PDE7B: variants seen among roughly 807,000 people sequenced by gnomAD.
The protein encoded by PDE7B is phosphodiesterase 7B.
Under a neutral mutation model 56.2 loss-of-function variants are expected in PDE7B, and 29 were observed. The observed-to-expected ratio is 0.52, with a 90% CI of 0.38 to 0.70. The LOEUF (loss-of-function observed/expected upper bound fraction) is 0.70. Ranked by LOEUF, PDE7B falls within the 30% of genes least tolerant of loss-of-function variation. The probability of loss-of-function intolerance (pLI) is 0.00; values close to 1 mark genes in which losing one functional copy is unlikely to be tolerated. For synonymous variants in PDE7B, 197 were observed against 196.9 expected (o/e 1.00, Z 0.00); for missense variants, 490 against 565.0 (o/e 0.87, Z 1.35).
chr6:136,123,939 C>T (rs1387366977), intron 3 of PDE7B, among the ~76,000 whole-genome samples: 1 of 152,092 alleles, frequency 6.6e-6, no homozygotes, highest in Non-Finnish European at 1.5e-5. Flanking sequence ...ACATTAATAG[C>T]TGGATGTATA....
chr6:136,147,199 A>G, intron 3 of PDE7B, 152 bp from the exon 4 acceptor site: 1 of 509,152 alleles, frequency 2.0e-6, no homozygotes, highest in Non-Finnish European at 3.5e-6. Context: ...TTCATGAAAC[A>G]TTTCAAATGT....
intron 1 of PDE7B, among the ~76,000 whole-genome samples, chr6:135,938,991 ACT>A (rs1468031339): frequency 5.9e-5 from 9 of 152,156 alleles, no homozygotes; most frequent in African/African-American, 1.9e-4. Context: ...ATGCTGAGAG[ACT>A]CTCTGGAGAC....
intron 2 of PDE7B, among the ~76,000 whole-genome samples, chr6:136,073,929 AT>A (rs1777089113): frequency 6.6e-6 from 1 of 152,226 alleles, no homozygotes; most frequent in East Asian, 1.9e-4. Context: ...TCTGAAGCAA[AT>A]AAAAAAATTT....
intron 2 of PDE7B, among the ~76,000 whole-genome samples, chr6:136,091,717 A>G (rs1002504301): frequency 6.6e-6 from 1 of 152,202 alleles, no homozygotes; most frequent in Non-Finnish European, 1.5e-5. Context: ...TTTGCAACCA[A>G]TGTGCTGTGA....
At chr6:136,191,058 C>T (rs1779216694) in intron 12 of PDE7B, among the ~76,000 whole-genome samples, 2 of 122,954 alleles carry the variant, frequency 1.6e-5, no homozygotes, top group African/African-American at 4.6e-5. Context: ...CTTTCTCCCT[C>T]TGCAAGTAAT....
intron 2 of PDE7B, among the ~76,000 whole-genome samples, chr6:136,024,627 A>C (rs1281916766): frequency 6.6e-6 from 1 of 152,122 alleles, no homozygotes; most frequent in African/African-American, 2.4e-5. Context: ...GCTGGATTTC[A>C]TGGAATGCCT....
intron 2 of PDE7B, chr6:136,071,126 G>C (rs1448150613): frequency 6.6e-6 from 1 of 152,112 alleles, no homozygotes; most frequent in Non-Finnish European, 1.5e-5. Flanking sequence ...GAGAGGTTTG[G>C]AAAAGAGCAT....
chr6:136,083,959 C>A (rs1418359281), intron 2 of PDE7B, among the ~76,000 whole-genome samples: 1 of 152,194 alleles, frequency 6.6e-6, no homozygotes, highest in East Asian at 1.9e-4. Flanking sequence ...CCTGTACTCA[C>A]TGAAATTTGC....
intron 8 of PDE7B, among the ~76,000 whole-genome samples, chr6:136,169,343 A>G (rs1338338483): frequency 6.6e-6 from 1 of 152,132 alleles, no homozygotes; most frequent in Non-Finnish European, 1.5e-5. Flanking sequence ...GTTTGCAATC[A>G]TCTACTCTAT....
chr6:136,136,596 T>C (rs1027128193), intron 3 of PDE7B, among the ~76,000 whole-genome samples: 1 of 151,988 alleles, frequency 6.6e-6, no homozygotes, highest in African/African-American at 2.4e-5. Context: ...AAAGGATGAA[T>C]GGTTGAAGGT....
chr6:135,901,103 G>C (rs1265535707), intron 1 of PDE7B, among the ~76,000 whole-genome samples: 1 of 152,144 alleles, frequency 6.6e-6, no homozygotes, highest in Non-Finnish European at 1.5e-5. Flanking sequence ...CGCTGCTAAG[G>C]TTTTTGAGCT....
intron 1 of PDE7B, among the ~76,000 whole-genome samples, chr6:135,873,097 C>A (rs1583724093): frequency 6.6e-6 from 1 of 152,108 alleles, no homozygotes; most frequent in Non-Finnish European, 1.5e-5. Context: ...TTGCTCCATA[C>A]TATGAAGGTT....
intron 2 of PDE7B, among the ~76,000 whole-genome samples, chr6:136,028,498 A>G (rs1360831779): frequency 6.6e-6 from 1 of 152,238 alleles, no homozygotes; most frequent in African/African-American, 2.4e-5. Context: ...CAAATTCATT[A>G]TCTTACAGTT....
At chr6:136,042,223 T>G (rs550247131) in intron 2 of PDE7B, among the ~76,000 whole-genome samples, 1 of 152,330 alleles carries the variant, frequency 6.6e-6, no homozygotes, top group South Asian at 2.1e-4. Flanking sequence ...AGTGACAGCA[T>G]GCACCCATGT....
chr6:135,859,961 A>C (rs576465570), intron 1 of PDE7B, among the ~76,000 whole-genome samples: 1 of 152,056 alleles, frequency 6.6e-6, no homozygotes, highest in African/African-American at 2.4e-5. Context: ...TTCCAGGAGC[A>C]TTGAACTTGT....
chr6:135,943,828 T>A (rs1774547560), intron 1 of PDE7B, among the ~76,000 whole-genome samples: 1 of 152,244 alleles, frequency 6.6e-6, no homozygotes, highest in Non-Finnish European at 1.5e-5. Context: ...TGACTCTTTA[T>A]GGTCTCTGAG....
At chr6:135,967,688 G>A (rs1300356709) in intron 2 of PDE7B, among the ~76,000 whole-genome samples, 5 of 152,158 alleles carry the variant, frequency 3.3e-5, no homozygotes, top group East Asian at 1.9e-4. Flanking sequence ...ATAAGAATGA[G>A]GGATGCTTAA....
At chr6:136,121,530 G>T (rs930672104) in intron 3 of PDE7B, among the ~76,000 whole-genome samples, 2 of 152,106 alleles carry the variant, frequency 1.3e-5, no homozygotes, top group African/African-American at 4.8e-5. Context: ...AAGGAGAAAG[G>T]GTAAACTAGA....
intron 1 of PDE7B, among the ~76,000 whole-genome samples, chr6:135,858,599 T>C (rs7743012): frequency 0.2 from 30,990 of 152,176 alleles, 5,756 homozygotes; most frequent in African/African-American, 0.49. Context: ...GAGCCCATCA[T>C]TCTTATTTGA....
Sources: gnomAD v4.1 joint callset for allele counts (sites outside exome capture counted in the v4.1 genomes callset) on GRCh38, gnomAD v4.1.1 for gene constraint, MANE v1.5 for transcripts, NCBI Gene and HGNC (gene_info 2026-07-23, HGNC 2026-07-21) for gene names.